Variants in KANTR observed in about 807,000 individuals in gnomAD.
KANTR encodes the protein KDM5C adjacent transcript.
intron 2 of KANTR, among the ~76,000 whole-genome samples, chrX:53,133,674 A>G (rs1393163644): frequency 9.0e-6 from 1 of 111,683 alleles, no homozygotes; most frequent in East Asian, 2.8e-4. Context: ...GCTGTGATCT[A>G]CTATTGAGGG....
At chrX:53,136,705 T>C (rs1401544937) in intron 2 of KANTR, among the ~76,000 whole-genome samples, 1 of 33,534 alleles carries the variant, frequency 3.0e-5, no homozygotes, top group African/African-American at 6.7e-5. Context: ...TATATATATA[T>C]ATATATATAT....
intron 2 of KANTR, among the ~76,000 whole-genome samples, chrX:53,102,804 A>T (rs868919332): frequency 6.5e-4 from 72 of 110,760 alleles, no homozygotes; most frequent in African/African-American, 2.1e-3. Flanking sequence ...TTTAGCTGTG[A>T]TCTCACTGTC....
At chrX:53,117,609 GTTTT>G (rs869034016) in intron 2 of KANTR, among the ~76,000 whole-genome samples, 2 of 63,889 alleles carry the variant, frequency 3.1e-5, no homozygotes, top group Non-Finnish European at 5.4e-5. Context: ...GTGTGTGTGT[GTTTT>G]TTTTTTTTTT....
chrX:53,130,370 C>T (rs1556816819), downstream of KANTR, among the ~76,000 whole-genome samples: 3 of 111,738 alleles, frequency 2.7e-5, no homozygotes, highest in Non-Finnish European at 5.6e-5. Context: ...CTGTCACTTG[C>T]GAGTATGGTA....
exon 3 of KANTR, chrX:53,124,758 T>C (rs1933273013): frequency 5.2e-6 from 1 of 192,745 alleles, no homozygotes; most frequent in Admixed American, 7.5e-5. Context: ...AAATCTGTCT[T>C]AATTGCATTA....
intron 2 of KANTR, among the ~76,000 whole-genome samples, chrX:53,137,306 A>C (rs1219691276): frequency 8.9e-6 from 1 of 112,198 alleles, no homozygotes; most frequent in Non-Finnish European, 1.9e-5. Context: ...TTACTGGACT[A>C]TTCAAGGCCT....
intron 1 of KANTR, among the ~76,000 whole-genome samples, chrX:53,098,587 T>A (rs782461553): frequency 1.2e-4 from 13 of 112,358 alleles, no homozygotes; most frequent in Admixed American, 4.7e-4. Flanking sequence ...TGCTACTACT[T>A]TGTTAACTAA....
chrX:53,098,531 C>G (rs1556811310), intron 1 of KANTR, among the ~76,000 whole-genome samples: 1 of 111,639 alleles, frequency 9.0e-6, no homozygotes, highest in African/African-American at 3.3e-5. Flanking sequence ...AGCATTTTAC[C>G]CGCAGTAGAA....
At chrX:53,121,700 T>A (rs1556815543) in intron 2 of KANTR, among the ~76,000 whole-genome samples, 2 of 111,288 alleles carry the variant, frequency 1.8e-5, no homozygotes, top group Non-Finnish European at 3.8e-5. Context: ...TAAGGAATAC[T>A]GTTGAATGTT....
chrX:53,106,883 T>C (rs1556812904), intron 2 of KANTR, among the ~76,000 whole-genome samples: 1 of 110,307 alleles, frequency 9.1e-6, no homozygotes, highest in African/African-American at 3.4e-5. Context: ...CTAGAGAGGC[T>C]GAAGCAGGAG....
intron 1 of KANTR, among the ~76,000 whole-genome samples, chrX:53,095,060 G>C (rs1215482117): frequency 1.8e-5 from 2 of 112,305 alleles, no homozygotes; most frequent in Admixed American, 1.9e-4. Flanking sequence ...GCTCCGACCT[G>C]TTCTGTGGGT....
chrX:53,098,450 A>G (rs1932863792), intron 1 of KANTR, among the ~76,000 whole-genome samples: 1 of 111,622 alleles, frequency 9.0e-6, no homozygotes, highest in African/African-American at 3.3e-5. Flanking sequence ...AAAATAAGAT[A>G]TCAATGAAGT....
intron 2 of KANTR, among the ~76,000 whole-genome samples, chrX:53,140,051 C>G: frequency 8.9e-6 from 1 of 112,222 alleles, no homozygotes; most frequent in Non-Finnish European, 1.9e-5. Flanking sequence ...AGTGAGATAC[C>G]AGTTTATCAG....
At chrX:53,112,058 T>C (rs782507435) in intron 2 of KANTR, among the ~76,000 whole-genome samples, 1 of 111,050 alleles carries the variant, frequency 9.0e-6, no homozygotes, top group Non-Finnish European at 1.9e-5. Context: ...TTCTGAGATT[T>C]TGGTGTACCC....
intron 2 of KANTR, among the ~76,000 whole-genome samples, chrX:53,136,219 CAGAG>C (rs1379242004): frequency 2.7e-5 from 3 of 111,464 alleles, no homozygotes; most frequent in Non-Finnish European, 3.8e-5. Flanking sequence ...CCATCAGCAA[CAGAG>C]AGTTTGTTTC....
chrX:53,140,040 C>T (rs1478120192), intron 2 of KANTR, among the ~76,000 whole-genome samples: 1 of 112,482 alleles, frequency 8.9e-6, no homozygotes, highest in East Asian at 2.8e-4. Flanking sequence ...ATTAAAATAA[C>T]AGTGAGATAC....
At chrX:53,097,108 G>A (rs1265799855) in intron 1 of KANTR, among the ~76,000 whole-genome samples, 3 of 110,519 alleles carry the variant, frequency 2.7e-5, no homozygotes, top group East Asian at 2.8e-4. Context: ...GCGAAACTTC[G>A]TCTCAAAAAA....
intron 2 of KANTR, among the ~76,000 whole-genome samples, chrX:53,132,722 T>G (rs1202065616): frequency 1.8e-5 from 2 of 111,178 alleles, no homozygotes; most frequent in Non-Finnish European, 1.9e-5. Flanking sequence ...ATGTGCATTA[T>G]GGTGTAGTTT....
rs1325006381 is a variant in KANTR at position 53,141,572 on chromosome X, C to T, written n.204-276C>T. 5.5e-5 allele frequency among the ~76,000 whole-genome samples: 6 copies of T among 109,847 alleles called. No homozygotes were observed. In the Admixed American group the frequency reaches 5.9e-4, roughly 11 times the overall value. ...TGTTATTCCCCCATTGTTTTACCTT[C>T]CCTCCCTCCCTTCCTCTTTCCTTTT... On this transcript the variant is annotated intron_variant and non_coding_transcript_variant, in intron 2 of 2. Transcript: ENST00000366185.
Sources: allele counts gnomAD v4.1 joint callset (sites outside exome capture counted in the v4.1 genomes callset), GRCh38; gene constraint gnomAD v4.1.1; transcripts MANE v1.5; gene names NCBI Gene and HGNC (gene_info 2026-07-23, HGNC 2026-07-21).